The following PPTC7 variants were observed in gnomAD, a reference collection of about 807,000 sequenced individuals.
PPTC7 encodes protein phosphatase targeting COQ7, also known as protein phosphatase PTC7 homolog.
PPTC7 carries 6 observed loss-of-function variants against 30.8 expected under a neutral mutation model. The ratio of observed to expected loss-of-function variants is 0.19; its 90% CI spans 0.11 to 0.38. The LOEUF is 0.38. Among genes scored for constraint, PPTC7 ranks in the 10% least tolerant of loss-of-function variants. The pLI is 1.00. For synonymous variants in PPTC7, 163 were observed against 168.1 expected (o/e 0.97, Z 0.23); for missense variants, 218 against 404.8 (o/e 0.54, Z 3.96).
chr12:110,575,047 C>A (rs934565073), intron 1 of PPTC7, among the ~76,000 whole-genome samples: 2 of 151,540 alleles, frequency 1.3e-5, no homozygotes, highest in African/African-American at 4.9e-5. Flanking sequence ...GCCTTGGCCT[C>A]CCAAAGTTCT....
At chr12:110,573,154 A>C (rs1359945417) in intron 1 of PPTC7, among the ~76,000 whole-genome samples, 1 of 152,224 alleles carries the variant, frequency 6.6e-6, no homozygotes, top group Non-Finnish European at 1.5e-5. Context: ...TGTTGGGATT[A>C]TAGGCGTGAG....
At chr12:110,552,558 T>C (rs2064356623) in intron 1 of PPTC7, among the ~76,000 whole-genome samples, 1 of 152,226 alleles carries the variant, frequency 6.6e-6, no homozygotes. Flanking sequence ...ACTTGAGACA[T>C]GCTCTAAGTA....
chr12:110,537,117 A>G (rs2135757000), intron 5 of PPTC7, 22 bp from the exon 6 acceptor site: 1 of 1,567,920 alleles, frequency 6.4e-7, no homozygotes, highest in Non-Finnish European at 8.8e-7. Context: ...ATGAGAACCT[A>G]TCAGTATATT....
intron 1 of PPTC7, among the ~76,000 whole-genome samples, chr12:110,581,664 G>A (rs2064638285): frequency 6.6e-6 from 1 of 152,134 alleles, no homozygotes; most frequent in Non-Finnish European, 1.5e-5. Context: ...CCAGTCCCAT[G>A]TTCACAAACA....
intron 1 of PPTC7, among the ~76,000 whole-genome samples, chr12:110,560,191 G>A (rs570548353): frequency 1.3e-5 from 2 of 152,162 alleles, no homozygotes; most frequent in South Asian, 4.2e-4. Context: ...TTTGAGCCAA[G>A]GAATTCGAGA....
chr12:110,567,113 T>C (rs149332454), intron 1 of PPTC7, among the ~76,000 whole-genome samples: 66 of 152,326 alleles, frequency 4.3e-4, no homozygotes, highest in Admixed American at 1.3e-3. Context: ...CGATCTTCCC[T>C]TCTCTTTTCT....
chr12:110,561,625 A>G (rs1245235269), intron 1 of PPTC7, among the ~76,000 whole-genome samples: 2 of 152,136 alleles, frequency 1.3e-5, no homozygotes, highest in African/African-American at 4.8e-5. Context: ...CATCCAGCCT[A>G]TATCAACATT....
At chr12:110,541,814 T>TCA (rs2064262537) in intron 3 of PPTC7, among the ~76,000 whole-genome samples, 1 of 151,902 alleles carries the variant, frequency 6.6e-6, no homozygotes, top group Non-Finnish European at 1.5e-5. Context: ...ACGTAGGTAT[T>TCA]TATTAGTGTG....
At chr12:110,552,073 A>G (rs904162036) in intron 1 of PPTC7, 105 bp from the exon 2 acceptor site, 16 of 841,250 alleles carry the variant, frequency 1.9e-5, no homozygotes, top group Non-Finnish European at 5.5e-6. Flanking sequence ...ATGCTACTAC[A>G]TACATTCACT....
intron 5 of PPTC7, among the ~76,000 whole-genome samples, chr12:110,537,723 C>G (rs976540298): frequency 6.6e-6 from 1 of 152,198 alleles, no homozygotes; most frequent in Non-Finnish European, 1.5e-5. Flanking sequence ...CTCTTCAAAC[C>G]CTGCTGTGGC....
chr12:110,548,651 G>T (rs1014685497), intron 2 of PPTC7, among the ~76,000 whole-genome samples: 1 of 152,102 alleles, frequency 6.6e-6, no homozygotes, highest in Non-Finnish European at 1.5e-5. Context: ...AAAACAACCC[G>T]AGTAGCACAT....
At chr12:110,544,003 T>C (rs2064285380) in intron 3 of PPTC7, among the ~76,000 whole-genome samples, 1 of 152,224 alleles carries the variant, frequency 6.6e-6, no homozygotes, top group Non-Finnish European at 1.5e-5. Context: ...GATCTGAGCT[T>C]GGGCTCTACG....
chr12:110,542,909 A>G (rs2064273567), intron 3 of PPTC7, among the ~76,000 whole-genome samples: 1 of 152,078 alleles, frequency 6.6e-6, no homozygotes, highest in East Asian at 1.9e-4. Context: ...AAAAGATCCT[A>G]TATTCAGAGA....
intron 2 of PPTC7, 159 bp from the exon 3 acceptor site, chr12:110,546,237 A>G (rs2064304946): frequency 1.6e-6 from 1 of 622,682 alleles, no homozygotes; most frequent in East Asian, 2.8e-5. Flanking sequence ...ACGAATATCA[A>G]TAAAATCCTG....
At chr12:110,550,140 A>G (rs935166096) in intron 2 of PPTC7, among the ~76,000 whole-genome samples, 3 of 152,200 alleles carry the variant, frequency 2.0e-5, no homozygotes, top group Non-Finnish European at 4.4e-5. Context: ...AGACTGATAA[A>G]AAGAACTCCT....
chr12:110,547,539 T>C (rs1268619774), intron 2 of PPTC7, among the ~76,000 whole-genome samples: 1 of 152,104 alleles, frequency 6.6e-6, no homozygotes, highest in East Asian at 1.9e-4. Context: ...AATAAGTAGA[T>C]TACAAACTCA....
At position 110,559,816 on chromosome 12, in the gene PPTC7, T is replaced by A. The variant is rs1481315866; in HGVS notation, c.224-7848A>T. On this transcript the variant is annotated intron_variant, in intron 1 of 5. Coordinates refer to ENST00000354300, the MANE Select transcript of PPTC7 (RefSeq NM_139283.2). ...GGTGTAGTAATAGCTCACTGCGGCCTCAAACTCCTGAGCTCAAGAGATTCT... is the reference window on the plus strand; with the variant it reads ...GGTGTAGTAATAGCTCACTGCGGCCACAAACTCCTGAGCTCAAGAGATTCT... Among the ~76,000 whole-genome samples the A allele has an allele frequency of 2.6e-5, 4 of 151,174 alleles. No individual in the cohort carries two copies. In the East Asian group the frequency reaches 5.8e-4, roughly 22 times the overall value.
At chr12:110,567,700 C>T (rs1593162045) in intron 1 of PPTC7, among the ~76,000 whole-genome samples, 1 of 152,166 alleles carries the variant, frequency 6.6e-6, no homozygotes, top group African/African-American at 2.4e-5. Flanking sequence ...CCCATTACAC[C>T]CTCTGTATCG....
Position 110,537,061 on chromosome 12 carries a change from T to A in PPTC7, c.891A>T (p.Ser297=). Residue 297 remains serine, a synonymous_variant, in exon 6 of 6, where the codon TCA becomes TCT. Transcript: ENST00000354300. ...GKPDDITVLL[S]IVAEYTD The stretch of plus-strand genomic sequence containing the variant: ...GCTAGTCTGTATACTCAGCCACTAT[T>A]GAAAGAAGGACGGTGATGTCATCTG... 1.2e-6 allele frequency: 2 copies of A among 1,613,286 alleles called. No homozygotes were observed. Among genetic ancestry groups the A allele is most frequent in the South Asian group, 2.2e-5 (2 of 91,032 alleles).
Sources: gnomAD v4.1 joint callset for allele counts (sites outside exome capture counted in the v4.1 genomes callset) on GRCh38, gnomAD v4.1.1 for gene constraint, MANE v1.5 for transcripts, NCBI Gene and HGNC (gene_info 2026-07-23, HGNC 2026-07-21) for gene names.